Variants in LRRFIP1 observed in about 807,000 individuals in gnomAD.
The protein encoded by LRRFIP1 is leucine-rich repeat flightless-interacting protein 1.
LRRFIP1 carries 62 observed loss-of-function variants against 104.4 expected under a neutral mutation model. That is an observed-to-expected ratio of 0.59 (90% CI 0.48 to 0.73). LRRFIP1 has a LOEUF of 0.73. Among genes scored for constraint, LRRFIP1 ranks in the 30% least tolerant of loss-of-function variants. The probability of loss-of-function intolerance (pLI) is 0.00; values close to 1 mark genes in which losing one functional copy is unlikely to be tolerated. For missense variants in LRRFIP1, 796 were observed against 824.5 expected (o/e 0.97, Z 0.42); for synonymous variants, 300 against 299.0 (o/e 1.00, Z -0.03).
rs55804947 is a variant in LRRFIP1 at position 237,735,648 on chromosome 2, A to G, written c.555+315A>G. 1,175 of 294,204 alleles carry G rather than the reference A, an allele frequency of 4.0e-3. 4 individuals are homozygous for G. The highest frequency in any genetic ancestry group is 7.0e-3 in the Admixed American group (144 of 20,580). The allele number at this position is 294,204 out of a possible 1,614,324, so 18.2% of individuals were successfully genotyped here. A position where few individuals can be genotyped will look rare whatever the true frequency, so the allele number is the denominator to read the frequency against. ...TTCGGTTAATAAAAACGGGAAAAGG[A>G]CAACTTGACAGACCACACATCATTC... is the stretch of plus-strand genomic sequence containing the variant. On this transcript the variant is annotated intron_variant, in intron 10 of 23. Transcript: ENST00000308482. This position sits in a 1 kb window ranked among gnomAD's most constrained non-coding sequence, Gnocchi z 4.6.
chr2:237,631,280 G>A (rs1024336686), intron 1 of LRRFIP1, among the ~76,000 whole-genome samples: 1 of 152,226 alleles, frequency 6.6e-6, no homozygotes, highest in African/African-American at 2.4e-5. Context: ...CCAGTTCGCT[G>A]GAGCGAGGGG....
At chr2:237,710,449 A>T (rs779801082) in intron 2 of LRRFIP1, among the ~76,000 whole-genome samples, 4 of 151,784 alleles carry the variant, frequency 2.6e-5, no homozygotes, top group Non-Finnish European at 5.9e-5. Flanking sequence ...ATGCCCGGCT[A>T]ATTTTTTTGT....
chr2:237,733,715 G>A (rs997737943), intron 8 of LRRFIP1, 59 bp from the exon 9 acceptor site: 9 of 1,538,742 alleles, frequency 5.8e-6, no homozygotes, highest in Non-Finnish European at 8.1e-6. Context: ...GCCTTTTGCT[G>A]TCATTTGTTG....
chr2:237,747,394 C>T (rs576682603), intron 11 of LRRFIP1, among the ~76,000 whole-genome samples: 10 of 152,246 alleles, frequency 6.6e-5, no homozygotes, highest in Non-Finnish European at 1.3e-4. Flanking sequence ...CCAGCGTGGA[C>T]TCGGGCCATA....
chr2:237,682,245 G>T (rs1048339482), intron 1 of LRRFIP1, among the ~76,000 whole-genome samples: 3 of 152,222 alleles, frequency 2.0e-5, no homozygotes, highest in African/African-American at 7.2e-5. Context: ...TGAGCTGCCA[G>T]ACGGAATCTT....
At chr2:237,734,050 C>T (rs970781207) in intron 9 of LRRFIP1, among the ~76,000 whole-genome samples, 1 of 152,176 alleles carries the variant, frequency 6.6e-6, no homozygotes, top group African/African-American at 2.4e-5. Flanking sequence ...TCCAGGAAGC[C>T]TTGTGTTTGC....
At chr2:237,771,643 GAA>G (rs1464939812) in intron 20 of LRRFIP1, among the ~76,000 whole-genome samples, 2 of 139,814 alleles carry the variant, frequency 1.4e-5, no homozygotes, top group Non-Finnish European at 3.0e-5. Flanking sequence ...CCAACTCCCT[GAA>G]AGCTGGCAAA....
intron 1 of LRRFIP1, among the ~76,000 whole-genome samples, chr2:237,705,673 A>T (rs2093767181): frequency 6.6e-6 from 1 of 152,022 alleles, no homozygotes; most frequent in African/African-American, 2.4e-5. Context: ...CCAAAAAAAA[A>T]AAAAGAGCCT....
At position 237,766,978 on chromosome 2, in the gene LRRFIP1, T is replaced by C. The variant is rs1003319762; in HGVS notation, c.1460-2965T>C. 2.6e-5 allele frequency among the ~76,000 whole-genome samples: 4 copies of C among 152,198 alleles called. No homozygotes were observed. Among genetic ancestry groups the C allele is most frequent in the African/African-American group, 9.6e-5 (4 of 41,456 alleles). On this transcript the variant is annotated intron_variant, in intron 19 of 23. Coordinates refer to ENST00000308482, the MANE Select transcript of LRRFIP1 (RefSeq NM_001137550.2). The surrounding 1 kb of genome is among the most constrained non-coding windows in gnomAD (Gnocchi z 4.8). ...TAAGCCCAGGAGTTCAAGCCCAGCC[T>C]GGGCAACATGATGAAAGCCCATCTC...
chr2:237,683,724 A>G (rs1230155061), intron 1 of LRRFIP1, among the ~76,000 whole-genome samples: 2 of 152,136 alleles, frequency 1.3e-5, no homozygotes, highest in East Asian at 3.8e-4. Flanking sequence ...ATTTTCTTGG[A>G]AAGATCATTT....
At chr2:237,723,106 C>T (rs1575833189) in intron 6 of LRRFIP1, among the ~76,000 whole-genome samples, 1 of 152,098 alleles carries the variant, frequency 6.6e-6, no homozygotes, top group African/African-American at 2.4e-5. Flanking sequence ...TTATACTACT[C>T]TGGAATTTGT....
chr2:237,763,933 T>A, intron 19 of LRRFIP1: 1 of 1,614,204 alleles, frequency 6.2e-7, no homozygotes, highest in Non-Finnish European at 8.5e-7. Context: ...ACATTAGTGA[T>A]GCCTGTGAAG....
chr2:237,674,706 TC>T (rs2090873871), intron 1 of LRRFIP1, among the ~76,000 whole-genome samples: 1 of 152,242 alleles, frequency 6.6e-6, no homozygotes. Context: ...AGCATTACCT[TC>T]CATTATGAAT....
intron 17 of LRRFIP1, among the ~76,000 whole-genome samples, chr2:237,758,475 C>A (rs1041037111): frequency 3.3e-5 from 5 of 152,178 alleles, no homozygotes; most frequent in African/African-American, 1.2e-4. Flanking sequence ...CCTCTGGGGC[C>A]CCGTGCTGTG....
intron 11 of LRRFIP1, among the ~76,000 whole-genome samples, chr2:237,746,933 C>T (rs556791476): frequency 6.6e-6 from 1 of 152,374 alleles, no homozygotes; most frequent in East Asian, 1.9e-4. Context: ...CAGCCTGCCC[C>T]TGACTGCATC....
intron 2 of LRRFIP1, among the ~76,000 whole-genome samples, chr2:237,709,725 G>A (rs1053786061): frequency 1.3e-5 from 2 of 152,178 alleles, no homozygotes; most frequent in African/African-American, 4.8e-5. Flanking sequence ...TGCATGCAGA[G>A]GCTAGGCAGT....
chr2:237,697,687 A>C (rs1029591971), intron 1 of LRRFIP1, among the ~76,000 whole-genome samples: 2 of 152,156 alleles, frequency 1.3e-5, no homozygotes, highest in Non-Finnish European at 2.9e-5. Context: ...GTGAAACCCT[A>C]GAGGTCTGGG....
chr2:237,723,519 T>G (rs760995283), intron 6 of LRRFIP1, 29 bp from the exon 7 acceptor site: 5 of 1,613,312 alleles, frequency 3.1e-6, no homozygotes, highest in Non-Finnish European at 2.5e-6. Flanking sequence ...TGCTGTTGTT[T>G]TTTTTTTCTG....
At chr2:237,777,755 A>G (rs1488796109) in intron 23 of LRRFIP1, among the ~76,000 whole-genome samples, 2 of 152,152 alleles carry the variant, frequency 1.3e-5, no homozygotes, top group African/African-American at 2.4e-5. Context: ...ATATTCAACC[A>G]TTAACTCCTT....
Sources: allele counts gnomAD v4.1 joint callset (sites outside exome capture counted in the v4.1 genomes callset), GRCh38; gene constraint gnomAD v4.1.1; non-coding constraint Gnocchi (gnomAD v3.1); transcripts MANE v1.5; gene names NCBI Gene and HGNC (gene_info 2026-07-23, HGNC 2026-07-21).